HSF1: variants seen among roughly 807,000 people sequenced by gnomAD.
The protein encoded by HSF1 is heat shock transcription factor 1, also known as heat shock factor protein 1.
Under a neutral mutation model 51.7 loss-of-function variants are expected in HSF1, and 32 were observed. That is an observed-to-expected ratio of 0.62 (90% CI 0.47 to 0.83). The LOEUF (loss-of-function observed/expected upper bound fraction) is 0.83. HSF1 is among the 40% of genes least tolerant of loss of function. The pLI, the probability that HSF1 is intolerant of heterozygous loss-of-function variation, is 0.00. For missense variants in HSF1, 727 were observed against 717.0 expected, an observed-to-expected ratio of 1.01 and a Z score of -0.16; for synonymous variants, 396 against 309.7, an observed-to-expected ratio of 1.28 and a Z score of -2.92.
intron 1 of HSF1, among the ~76,000 whole-genome samples, chr8:144,307,234 A>G (rs1426409751): frequency 6.6e-6 from 1 of 152,248 alleles, no homozygotes; most frequent in Non-Finnish European, 1.5e-5. Context: ...CTCGGCAAAC[A>G]GCTTTTTTAT....
At chr8:144,308,148 G>A (rs1291345382) in intron 1 of HSF1, among the ~76,000 whole-genome samples, 1 of 152,210 alleles carries the variant, frequency 6.6e-6, no homozygotes, top group Non-Finnish European at 1.5e-5. Flanking sequence ...CACTGAGTCA[G>A]CCGCCCCTTC....
intron 1 of HSF1, among the ~76,000 whole-genome samples, chr8:144,308,426 C>T (rs111439166): frequency 5.9e-5 from 9 of 152,336 alleles, no homozygotes; most frequent in African/African-American, 1.4e-4. Context: ...TTTCTGAACG[C>T]GACTGTGTTT....
In HSF1 at chr8:144,313,530, T is replaced by C. The variant is rs1009640153; in HGVS notation, c.1162T>C (p.Leu388=). ...GGCCAGGAATGAGCTCAGTGACCACTTGGATGCTATGGACTCCAACCTGGA... is the reference window on the plus strand; with the variant it reads ...GGCCAGGAATGAGCTCAGTGACCACCTGGATGCTATGGACTCCAACCTGGA... ...CLDKNELSDH[L]DAMDSNLDNL... The change falls in exon 10 of 13, where the codon TTG becomes CTG. Residue 388 remains leucine (L), a synonymous_variant. Coordinates refer to ENST00000528838, the MANE Select transcript of HSF1 (RefSeq NM_005526.4). The C allele has an allele frequency of 3.1e-6, 5 of 1,611,418 alleles. No homozygotes were observed. In the African/African-American group the frequency reaches 6.7e-5, roughly 22 times the overall value.
intron 1 of HSF1, among the ~76,000 whole-genome samples, chr8:144,296,277 C>T (rs1195972280): frequency 1.3e-5 from 2 of 152,226 alleles, no homozygotes; most frequent in African/African-American, 4.8e-5. Context: ...CACTCAGACC[C>T]TGGTCACAGA....
chr8:144,299,435 T>TG (rs1815709114), intron 1 of HSF1, among the ~76,000 whole-genome samples: 1 of 132,276 alleles, frequency 7.6e-6, no homozygotes, highest in Non-Finnish European at 1.6e-5. Context: ...AGACTCCTTC[T>TG]AAAAAAAAAA....
At chr8:144,302,375 C>T (rs1158812832) in intron 1 of HSF1, among the ~76,000 whole-genome samples, 1 of 151,554 alleles carries the variant, frequency 6.6e-6, no homozygotes, top group Non-Finnish European at 1.5e-5. Flanking sequence ...GGCGTGATGG[C>T]AGGTGCCTGT....
chr8:144,297,379 C>G lies in HSF1; in HGVS notation c.117+5505C>G, dbSNP rs1468989482. Among the ~76,000 whole-genome samples the G allele has an allele frequency of 6.6e-6, 1 of 152,172 alleles. No individual in the cohort carries two copies. Among genetic ancestry groups the G allele is most frequent in the Non-Finnish European group, 1.5e-5 (1 of 68,042 alleles). On this transcript the variant is annotated intron_variant, in intron 1 of 12. Transcript: ENST00000528838. The surrounding 1 kb of genome is among the most constrained non-coding windows in gnomAD (Gnocchi z 4.6). ...AGCAGCAGTAGCCACCACACTTGTG[C>G]ACGGCAGCCAGTGACGAGATGTGAT...
chr8:144,313,171 C>G (rs1816802021), intron 9 of HSF1: 1 of 387,488 alleles, frequency 2.6e-6, no homozygotes, highest in African/African-American at 2.0e-5. Context: ...CACCTGTTTT[C>G]CCAGTGCAAC....
intron 4 of HSF1, 51 bp downstream of exon 4, chr8:144,309,947 A>G: frequency 6.3e-7 from 1 of 1,586,444 alleles, no homozygotes; most frequent in South Asian, 1.1e-5. Context: ...GCGCCCACCA[A>G]GAGGCCCCGG....
In HSF1 at chr8:144,311,949, C is replaced by G. The variant is rs781894486; in HGVS notation, c.861-14C>G. On this transcript the variant is annotated splice_polypyrimidine_tract_variant and intron_variant, in intron 8 of 12. Transcript: ENST00000528838. ...GGCCGAGACGCCAGCTCACCTGGCC[C>G]CCCTCGTGTGCAGGCCCCTATCCAG... The G allele has an allele frequency of 1.9e-6, 3 of 1,580,008 alleles. No individual in the cohort carries two copies. The highest frequency in any genetic ancestry group is 3.5e-5 in the Admixed American group (2 of 57,432).
intron 1 of HSF1, among the ~76,000 whole-genome samples, chr8:144,308,307 C>T (rs2130414352): frequency 6.6e-6 from 1 of 152,376 alleles, no homozygotes; most frequent in South Asian, 2.1e-4. Context: ...CCAGCGCCTC[C>T]TGATAGCTCT....
At chr8:144,311,279 G>GC in intron 5 of HSF1, 30 bp downstream of exon 5, 1 of 1,610,250 alleles carries the variant, frequency 6.2e-7, no homozygotes, top group Admixed American at 1.7e-5. Flanking sequence ...GCCGGCGGGG[G>GC]CCCCACAAGG....
intron 9 of HSF1, 44 bp downstream of exon 9, chr8:144,312,288 C>T (rs782440696): frequency 7.2e-7 from 1 of 1,397,584 alleles, no homozygotes; most frequent in South Asian, 1.3e-5. Context: ...CGCCTGGACG[C>T]ACAGCCCTGG....
intron 1 of HSF1, among the ~76,000 whole-genome samples, 156 bp from the exon 2 acceptor site, chr8:144,308,750 C>T (rs1419372104): frequency 2.0e-5 from 3 of 152,230 alleles, no homozygotes; most frequent in Admixed American, 6.5e-5. Flanking sequence ...GGAACGAACT[C>T]GCCTCCCGCC....
rs1390018258 is a variant in HSF1 at position 144,312,837 on chromosome 8, C to T, written c.1142+593C>T. 7.3e-6 allele frequency: 6 copies of T among 819,838 alleles called. No homozygotes were observed. The African/African-American group carries it at 1.0e-4, about 14-fold the overall frequency. 50.8% of individuals were successfully genotyped at this position (819,838 alleles called of 1,614,324 possible). On this transcript the variant is annotated intron_variant, in intron 9 of 12. Transcript: ENST00000528838. ...GGGCCTGGGCGGCAGCAGCCGAGAC[C>T]CCTCTGTGGCGGGGGCTCAGTGTCG...
chr8:144,312,690 C>A (rs782421862), intron 9 of HSF1: 1 of 1,535,506 alleles, frequency 6.5e-7, no homozygotes, highest in East Asian at 2.4e-5. Context: ...TCTTCCTCTC[C>A]GCATGGCCAA....
chr8:144,311,740 C>T lies in HSF1; in HGVS notation c.764C>T (p.Pro255Leu). The T allele has an allele frequency of 6.2e-7, 1 of 1,612,970 alleles. No homozygotes were observed. Among genetic ancestry groups the T allele is most frequent in the Non-Finnish European group, 8.5e-7 (1 of 1,179,774 alleles). ...PAYSSSSLYA[P>L]DAVASSGPII... ...TACAGCAGCTCCAGCCTCTACGCCC[C>T]TGATGCTGTGGCCAGCTCTGGACCC... Residue 255 changes from proline to leucine, a missense_variant, in exon 8 of 13, where the codon CCT (proline) becomes CTT (leucine). Transcript: ENST00000528838.
At chr8:144,296,740 G>C (rs1233532882) in intron 1 of HSF1, among the ~76,000 whole-genome samples, 4 of 152,046 alleles carry the variant, frequency 2.6e-5, no homozygotes, top group Non-Finnish European at 4.4e-5. Context: ...CCAGGAGGCG[G>C]GGCTTGCAGT....
rs1816359390 is a variant in HSF1 at position 144,308,302 on chromosome 8, GCCT to G, written c.118-600_118-598del. Reference sequence around the variant, plus strand: ...CAACAGGGATGCCTCCCTCACCAGCGCCTCCTGATAGCTCTGGGCCTGAGCTCG... The same window carrying G: ...CAACAGGGATGCCTCCCTCACCAGCGCCTGATAGCTCTGGGCCTGAGCTCG... On this transcript the variant is annotated intron_variant, in intron 1 of 12. Transcript: ENST00000528838. 2.0e-5 allele frequency among the ~76,000 whole-genome samples: 3 copies of G among 152,326 alleles called. No homozygotes were observed. The South Asian group carries it at 6.2e-4, about 32-fold the overall frequency.
Sources: gnomAD v4.1 joint callset for allele counts (sites outside exome capture counted in the v4.1 genomes callset) on GRCh38, gnomAD v4.1.1 for gene constraint, Gnocchi (gnomAD v3.1) non-coding constraint, MANE v1.5 for transcripts, NCBI Gene and HGNC (gene_info 2026-07-23, HGNC 2026-07-21) for gene names.